The following PTPRM variants were observed in gnomAD, a reference collection of about 807,000 sequenced individuals.
The protein encoded by PTPRM is receptor-type tyrosine-protein phosphatase mu.
A neutral mutation model predicts 186.7 loss-of-function variants in PTPRM; 47 were observed. The observed-to-expected ratio is 0.25, with a 90% CI of 0.20 to 0.32. PTPRM has a LOEUF of 0.32. PTPRM is among the 10% of genes least tolerant of loss of function. PTPRM has a pLI of 1.00. For missense variants in PTPRM, 1,494 were observed against 1,865.0 expected, an observed-to-expected ratio of 0.80 and a Z score of 3.66; for synonymous variants, 668 against 674.9, an observed-to-expected ratio of 0.99 and a Z score of 0.16.
At chr18:7,921,740 TG>T (rs200401687) in intron 4 of PTPRM, among the ~76,000 whole-genome samples, 2 of 151,140 alleles carry the variant, frequency 1.3e-5, no homozygotes, top group Admixed American at 6.6e-5. Flanking sequence ...TGTTTTTTTT[TG>T]TTTGTTTGTT....
At chr18:7,867,702 C>G (rs1048134234) in intron 2 of PTPRM, among the ~76,000 whole-genome samples, 1 of 152,184 alleles carries the variant, frequency 6.6e-6, no homozygotes, top group African/African-American at 2.4e-5. Context: ...CGAGGACTAT[C>G]TTTGTGGTGT....
chr18:7,813,668 A>C (rs1568167135), intron 2 of PTPRM, among the ~76,000 whole-genome samples: 1 of 151,532 alleles, frequency 6.6e-6, no homozygotes, highest in Non-Finnish European at 1.5e-5. Flanking sequence ...ATATTCTTTT[A>C]AGTATTTCTT....
rs537324647 is a variant in PTPRM at position 7,671,033 on chromosome 18, C to G, written c.74-103116C>G. 4.6e-5 allele frequency among the ~76,000 whole-genome samples: 7 copies of G among 152,196 alleles called. No homozygotes were observed. In the East Asian group the frequency reaches 1.4e-3, roughly 29 times the overall value. ...AAGTTGATGACCTTTAGATTTAAAA[C>G]AAGAAATTGTTGTTTAAAGATGTTA... On this transcript the variant is annotated intron_variant, in intron 1 of 32. Coordinates refer to ENST00000580170, the MANE Select transcript of PTPRM (RefSeq NM_001105244.2).
At position 8,359,767 on chromosome 18, in the gene PTPRM, C is replaced by T. The variant is rs576529727; in HGVS notation, c.3055-11123C>T. 7.2e-5 allele frequency among the ~76,000 whole-genome samples: 11 copies of T among 152,310 alleles called. No homozygotes were observed. In the South Asian group the frequency reaches 1.2e-3, roughly 17 times the overall value. The stretch of plus-strand genomic sequence containing the variant: ...TCGGGTGTGCACAGCTGGAGTTTCC[C>T]GGCACCATCATTGGACGCAATATGG... On this transcript the variant is annotated intron_variant, in intron 23 of 32. Coordinates refer to ENST00000580170, the MANE Select transcript of PTPRM (RefSeq NM_001105244.2).
intron 20 of PTPRM, among the ~76,000 whole-genome samples, 183 bp downstream of exon 20, chr18:8,296,638 A>G (rs545772978): frequency 1.3e-5 from 2 of 152,276 alleles, no homozygotes; most frequent in South Asian, 4.1e-4. Context: ...TCATCATTGT[A>G]CTGTTGTCGT....
chr18:8,099,920 C>T (rs145994566), intron 11 of PTPRM, among the ~76,000 whole-genome samples: 299 of 152,160 alleles, frequency 2.0e-3, no homozygotes, highest in African/African-American at 6.8e-3. Flanking sequence ...ACCCGAGACT[C>T]GGTAATTTAT....
chr18:7,596,318 C>T (rs151097566), intron 1 of PTPRM, among the ~76,000 whole-genome samples: 14 of 152,296 alleles, frequency 9.2e-5, no homozygotes, highest in African/African-American at 2.9e-4. Flanking sequence ...GATTTCATCA[C>T]GCTACTCAGA....
chr18:7,591,320 T>C (rs1454444092), intron 1 of PTPRM, among the ~76,000 whole-genome samples: 2 of 152,220 alleles, frequency 1.3e-5, no homozygotes, highest in East Asian at 3.8e-4. Context: ...CTCTACAACC[T>C]TATTAAGCAT....
In PTPRM at chr18:7,816,171, T is replaced by A. The variant is rs142992111; in HGVS notation, c.196+41900T>A. Among the ~76,000 whole-genome samples, 174 of 152,322 alleles carry A rather than the reference T, an allele frequency of 1.1e-3. 1 individual carries two copies. Among genetic ancestry groups the A allele is most frequent in the African/African-American group, 3.8e-3 (159 of 41,586 alleles). ...CAGGACTTGGTAAAGTTAACACATCTGATTATATACAATATTTTCCCCACC... is the reference window on the plus strand; with the variant it reads ...CAGGACTTGGTAAAGTTAACACATCAGATTATATACAATATTTTCCCCACC... On this transcript the variant is annotated intron_variant, in intron 2 of 32. Transcript: ENST00000580170.
intron 7 of PTPRM, among the ~76,000 whole-genome samples, chr18:7,996,750 A>G (rs2083560455): frequency 6.6e-6 from 1 of 151,874 alleles, no homozygotes; most frequent in African/African-American, 2.4e-5. Flanking sequence ...TAAACAGCAA[A>G]CAATCTGAAA....
intron 7 of PTPRM, among the ~76,000 whole-genome samples, chr18:8,003,873 T>A (rs1428406869): frequency 6.6e-6 from 1 of 152,184 alleles, no homozygotes; most frequent in Non-Finnish European, 1.5e-5. Flanking sequence ...TTAAAGAAAC[T>A]TAGGGAAGAA....
intron 7 of PTPRM, among the ~76,000 whole-genome samples, chr18:8,021,067 G>T (rs2085187997): frequency 6.6e-6 from 1 of 152,060 alleles, no homozygotes; most frequent in African/African-American, 2.4e-5. Context: ...CTGTCAGAAG[G>T]ACTTCAAGAA....
intron 2 of PTPRM, among the ~76,000 whole-genome samples, chr18:7,818,889 T>C (rs331415): frequency 0.7 from 107,056 of 152,136 alleles, 39,010 homozygotes; most frequent in East Asian, 0.94. Context: ...ACATACAATG[T>C]GTCGTGAGAG....
At chr18:7,890,448 T>C (rs76676423) in intron 3 of PTPRM, among the ~76,000 whole-genome samples, 5,893 of 152,316 alleles carry the variant, frequency 0.039, 137 homozygotes, top group Middle Eastern at 0.12. Flanking sequence ...AATTTCTTGC[T>C]TAATTTATCT....
intron 14 of PTPRM, among the ~76,000 whole-genome samples, chr18:8,150,672 T>A (rs556475372): frequency 6.6e-6 from 1 of 152,198 alleles, no homozygotes; most frequent in East Asian, 1.9e-4. Context: ...CATTCTCCAA[T>A]CAATTTTGTT....
intron 14 of PTPRM, among the ~76,000 whole-genome samples, chr18:8,213,693 C>G (rs751773709): frequency 2.0e-5 from 3 of 152,116 alleles, no homozygotes; most frequent in Non-Finnish European, 4.4e-5. Flanking sequence ...AAATTATGAC[C>G]TCCAGTTTCT....
intron 14 of PTPRM, among the ~76,000 whole-genome samples, chr18:8,172,883 A>G (rs539472455): frequency 6.6e-6 from 1 of 152,282 alleles, no homozygotes; most frequent in East Asian, 1.9e-4. Flanking sequence ...CACTGTAATT[A>G]ATTGTACCAG....
At chr18:7,852,621 C>T (rs1201135827) in intron 2 of PTPRM, among the ~76,000 whole-genome samples, 4 of 151,858 alleles carry the variant, frequency 2.6e-5, no homozygotes, top group Non-Finnish European at 5.9e-5. Flanking sequence ...GGAGACGGAG[C>T]TTGCAGTGAG....
At position 8,406,135 on chromosome 18, in the gene PTPRM, G is replaced by A; in HGVS notation, c.4371G>A (p.Val1457=). ...LLDQYKFCYE[V]ALEYLNSG Reference sequence around the variant, plus strand: ...ATCAGTACAAGTTCTGCTACGAGGTGGCCCTGGAATACTTGAATTCTGGCT... The same window carrying A: ...ATCAGTACAAGTTCTGCTACGAGGTAGCCCTGGAATACTTGAATTCTGGCT... Residue 1457 remains valine, a synonymous_variant, in exon 33 of 33, where the codon GTG becomes GTA. Transcript: ENST00000580170. 1.2e-6 allele frequency: 2 copies of A among 1,614,120 alleles called. No homozygotes were observed. Among genetic ancestry groups the A allele is most frequent in the Admixed American group, 1.7e-5 (1 of 60,012 alleles).
Sources: gnomAD v4.1 joint callset for allele counts (sites outside exome capture counted in the v4.1 genomes callset) on GRCh38, gnomAD v4.1.1 for gene constraint, MANE v1.5 for transcripts, NCBI Gene and HGNC (gene_info 2026-07-23, HGNC 2026-07-21) for gene names.